MACROH2A2: variants seen among roughly 807,000 people sequenced by gnomAD.
MACROH2A2 encodes the protein core histone macro-H2A.2.
A neutral mutation model predicts 37.6 loss-of-function variants in MACROH2A2; 6 were observed. The observed-to-expected ratio is 0.16, with a 90% confidence interval of 0.09 to 0.32. The LOEUF (loss-of-function observed/expected upper bound fraction) is 0.32, where lower values mean the gene tolerates loss of function less well. Among genes scored for constraint, MACROH2A2 ranks in the 10% least tolerant of loss-of-function variants. The pLI, the probability that MACROH2A2 is intolerant of heterozygous loss-of-function variation, is 1.00. For missense variants in MACROH2A2, 290 were observed against 485.9 expected, an observed-to-expected ratio of 0.60 and a Z score of 3.79; for synonymous variants, 192 against 202.7, an observed-to-expected ratio of 0.95 and a Z score of 0.45.
chr10:70,066,769 T>A lies in MACROH2A2; in HGVS notation c.-59-8831T>A, dbSNP rs140461368. On this transcript the variant is annotated intron_variant, in intron 1 of 8. Coordinates refer to ENST00000373255, the MANE Select transcript of MACROH2A2 (RefSeq NM_018649.3). ...ATACTTGCGGCACTTTCATGGTCATTCTAAGACATGCACGTACACGGAGCA... is the reference window on the plus strand; with the variant it reads ...ATACTTGCGGCACTTTCATGGTCATACTAAGACATGCACGTACACGGAGCA... 2.3e-4 allele frequency among the ~76,000 whole-genome samples: 35 copies of A among 152,310 alleles called. No homozygotes were observed. The East Asian group carries it at 2.9e-3, about 13-fold the overall frequency.
At chr10:70,067,918 C>T (rs1018854356) in intron 1 of MACROH2A2, among the ~76,000 whole-genome samples, 1 of 152,124 alleles carries the variant, frequency 6.6e-6, no homozygotes, top group African/African-American at 2.4e-5. Context: ...AGGCCTCATC[C>T]TTCTTTGGCA....
In MACROH2A2 at chr10:70,075,534, C is replaced by T. The variant is rs1478716150; in HGVS notation, c.-59-66C>T. ...GAGGTGTCACAGTGGTGCCCAAGGG[C>T]CATGCCACTGTGCCCAAGATGTTTG... On this transcript the variant is annotated intron_variant, in intron 1 of 8. Coordinates refer to ENST00000373255, the MANE Select transcript of MACROH2A2 (RefSeq NM_018649.3). The surrounding 1 kb of genome is among the most constrained non-coding windows in gnomAD (Gnocchi z 5.0). The T allele has an allele frequency of 3.3e-6, 3 of 897,176 alleles. No individual in the cohort carries two copies. Among genetic ancestry groups the T allele is most frequent in the Non-Finnish European group, 3.5e-6 (2 of 564,284 alleles). 55.6% of individuals were successfully genotyped at this position (897,176 alleles called of 1,614,324 possible).
rs895617857 is a variant in MACROH2A2, at chr10:70,109,240, G to A, written c.953+33G>A. The A allele has an allele frequency of 1.8e-5, 28 of 1,588,028 alleles. 1 individual carries two copies. Among genetic ancestry groups the A allele is most frequent in the East Asian group, 6.7e-5 (3 of 44,696 alleles). On this transcript the variant is annotated intron_variant, in intron 8 of 8. Coordinates refer to ENST00000373255, the MANE Select transcript of MACROH2A2 (RefSeq NM_018649.3). ...GCAGTTCCCCTGAGTTGATTCCTCC[G>A]GCTTTTTCCCTGGAAATCAGCTGCT...
intron 1 of MACROH2A2, among the ~76,000 whole-genome samples, chr10:70,066,811 G>A (rs987237386): frequency 7.2e-5 from 11 of 152,050 alleles, no homozygotes; most frequent in South Asian, 2.1e-4. Flanking sequence ...CATCTTAGTC[G>A]CCACAAGCAC....
intron 7 of MACROH2A2, among the ~76,000 whole-genome samples, chr10:70,101,950 GT>G (rs1156653515): frequency 2.0e-5 from 3 of 152,198 alleles, no homozygotes; most frequent in South Asian, 2.1e-4. Flanking sequence ...CTGTGCACAA[GT>G]TTTTTTTAAA....
intron 2 of MACROH2A2, among the ~76,000 whole-genome samples, chr10:70,084,444 C>T (rs949462479): frequency 1.3e-5 from 2 of 152,194 alleles, no homozygotes; most frequent in African/African-American, 2.4e-5. Context: ...CCCAGCTACT[C>T]GAGAGGCTCA....
At chr10:70,109,988 G>C (rs1222125409) in intron 8 of MACROH2A2, among the ~76,000 whole-genome samples, 2 of 152,272 alleles carry the variant, frequency 1.3e-5, no homozygotes, top group South Asian at 4.1e-4. Context: ...GTTTATAGCT[G>C]TGTCCTGGGA....
chr10:70,101,691 T>C (rs2072308080), intron 7 of MACROH2A2, among the ~76,000 whole-genome samples: 1 of 152,184 alleles, frequency 6.6e-6, no homozygotes, highest in African/African-American at 2.4e-5. Context: ...AGCACTAATC[T>C]ACTTTCTGTC....
intron 2 of MACROH2A2, among the ~76,000 whole-genome samples, chr10:70,087,414 G>A (rs2072218368): frequency 6.6e-6 from 1 of 151,870 alleles, no homozygotes; most frequent in Admixed American, 6.6e-5. Context: ...TGTATTTTTA[G>A]TAGAGACGGG....
At chr10:70,073,133 T>C (rs907583849) in intron 1 of MACROH2A2, among the ~76,000 whole-genome samples, 16 of 152,140 alleles carry the variant, frequency 1.1e-4, no homozygotes, top group African/African-American at 3.6e-4. Context: ...CCTTCCACTA[T>C]AGCAAGAGCC....
chr10:70,070,780 G>C (rs963716853), intron 1 of MACROH2A2, among the ~76,000 whole-genome samples: 1 of 152,096 alleles, frequency 6.6e-6, no homozygotes, highest in African/African-American at 2.4e-5. Context: ...AAGCCACCAC[G>C]CTTGGCCTCT....
chr10:70,068,668 G>A (rs2072092052), intron 1 of MACROH2A2, among the ~76,000 whole-genome samples: 1 of 152,182 alleles, frequency 6.6e-6, no homozygotes, highest in Non-Finnish European at 1.5e-5. Flanking sequence ...GGAACATAGT[G>A]CACCCTACTG....
intron 1 of MACROH2A2, among the ~76,000 whole-genome samples, chr10:70,060,852 C>T (rs2072046292): frequency 6.6e-6 from 1 of 152,000 alleles, no homozygotes; most frequent in African/African-American, 2.4e-5. Context: ...GTCTCAGTGG[C>T]TCATGCCTGT....
At chr10:70,094,654 T>G (rs2072264408) in intron 5 of MACROH2A2, among the ~76,000 whole-genome samples, 1 of 152,248 alleles carries the variant, frequency 6.6e-6, no homozygotes, top group East Asian at 1.9e-4. Context: ...GTGGAATTTA[T>G]GTCCCCTCTC....
At chr10:70,082,424 A>G (rs1340562733) in intron 2 of MACROH2A2, among the ~76,000 whole-genome samples, 2 of 152,058 alleles carry the variant, frequency 1.3e-5, no homozygotes, top group East Asian at 3.9e-4. Context: ...GTCAAAAAAA[A>G]AAAAAAGAAA....
chr10:70,055,009 G>A (rs998889633), intron 1 of MACROH2A2, among the ~76,000 whole-genome samples: 9 of 152,170 alleles, frequency 5.9e-5, no homozygotes, highest in African/African-American at 2.2e-4. Context: ...TGAATCCGGA[G>A]TGTCCCTGTG....
chr10:70,070,608 C>T (rs2072103553), intron 1 of MACROH2A2, among the ~76,000 whole-genome samples: 1 of 152,152 alleles, frequency 6.6e-6, no homozygotes. Flanking sequence ...TCTTTTGCCT[C>T]AGCCTCCAGA....
At chr10:70,062,518 T>C (rs1177859306) in intron 1 of MACROH2A2, among the ~76,000 whole-genome samples, 1 of 152,250 alleles carries the variant, frequency 6.6e-6, no homozygotes, top group African/African-American at 2.4e-5. Flanking sequence ...CTCTAAGATC[T>C]CTTATTTCTA....
intron 2 of MACROH2A2, among the ~76,000 whole-genome samples, chr10:70,084,963 A>C (rs1216212116): frequency 1.3e-5 from 2 of 152,134 alleles, no homozygotes; most frequent in Non-Finnish European, 2.9e-5. Flanking sequence ...ATGGATCTGG[A>C]GAACAACAAA....
Sources: gnomAD v4.1 joint callset for allele counts (sites outside exome capture counted in the v4.1 genomes callset) on GRCh38, gnomAD v4.1.1 for gene constraint, Gnocchi (gnomAD v3.1) non-coding constraint, MANE v1.5 for transcripts, NCBI Gene and HGNC (gene_info 2026-07-23, HGNC 2026-07-21) for gene names.